RABGAP1L: variants seen among roughly 807,000 people sequenced by gnomAD.
The protein encoded by RABGAP1L is rab GTPase-activating protein 1-like.
In RABGAP1L, 63 loss-of-function variants were observed where a neutral mutation model predicts 137.7. The ratio of observed to expected loss-of-function variants is 0.46; its 90% CI spans 0.37 to 0.56. The LOEUF (loss-of-function observed/expected upper bound fraction) is 0.56. RABGAP1L is among the 20% of genes least tolerant of loss of function. The pLI, the probability that RABGAP1L is intolerant of heterozygous loss-of-function variation, is 0.00. For missense variants in RABGAP1L, 1,095 were observed against 1,244.0 expected, an observed-to-expected ratio of 0.88 and a Z score of 1.80; for synonymous variants, 431 against 433.7, an observed-to-expected ratio of 0.99 and a Z score of 0.08.
chr1:174,973,972 GTTTTTTGTTTTTT>G (rs1574052263), intron 21 of RABGAP1L, among the ~76,000 whole-genome samples: 18 of 94,220 alleles, frequency 1.9e-4, no homozygotes, highest in East Asian at 3.1e-4. Flanking sequence ...CAGTACAATT[GTTTTTTGTTTTTT>G]TTTTTTTTTT....
chr1:174,873,459 A>T (rs1652523916), intron 19 of RABGAP1L, among the ~76,000 whole-genome samples: 1 of 151,702 alleles, frequency 6.6e-6, no homozygotes, highest in Non-Finnish European at 1.5e-5. Flanking sequence ...AACAAGTAGA[A>T]TATGAGATAT....
At chr1:174,958,215 T>G in intron 20 of RABGAP1L, 1 of 1,309,138 alleles carries the variant, frequency 7.6e-7, no homozygotes, top group South Asian at 1.3e-5. Context: ...AACATTTATT[T>G]CCACAAATGA....
intron 18 of RABGAP1L, among the ~76,000 whole-genome samples, chr1:174,805,958 T>C (rs1211670078): frequency 6.6e-6 from 1 of 152,234 alleles, no homozygotes; most frequent in Non-Finnish European, 1.5e-5. Flanking sequence ...ATTTTCATTA[T>C]TTTACTCTTC....
chr1:174,508,683 G>T (rs1250937786), intron 13 of RABGAP1L, among the ~76,000 whole-genome samples: 2 of 152,108 alleles, frequency 1.3e-5, no homozygotes, highest in African/African-American at 4.8e-5. Context: ...TCATAGTAAT[G>T]TATCCGTGAG....
intron 11 of RABGAP1L, among the ~76,000 whole-genome samples, chr1:174,318,856 T>C (rs1679673025): frequency 6.6e-6 from 1 of 152,028 alleles, no homozygotes; most frequent in African/African-American, 2.4e-5. Context: ...AAAAAAACTT[T>C]ACACTTCATC....
intron 14 of RABGAP1L, among the ~76,000 whole-genome samples, chr1:174,671,685 G>A (rs1455136390): frequency 6.6e-6 from 1 of 152,108 alleles, no homozygotes; most frequent in Non-Finnish European, 1.5e-5. Context: ...TCTTTTCGAT[G>A]TGGTGTTCTA....
intron 19 of RABGAP1L, among the ~76,000 whole-genome samples, chr1:174,823,197 A>T (rs915944064): frequency 6.6e-6 from 1 of 152,200 alleles, no homozygotes; most frequent in Non-Finnish European, 1.5e-5. Context: ...GCAGTCTTAT[A>T]ATGGATCAAA....
chr1:174,767,103 A>G (rs1200199402), intron 18 of RABGAP1L, among the ~76,000 whole-genome samples: 1 of 152,186 alleles, frequency 6.6e-6, no homozygotes, highest in East Asian at 1.9e-4. Flanking sequence ...GACCAAACCA[A>G]TGTACATCTT....
chr1:174,782,665 C>T (rs568882362), intron 18 of RABGAP1L, among the ~76,000 whole-genome samples: 19 of 152,168 alleles, frequency 1.2e-4, no homozygotes, highest in Admixed American at 1.2e-3. Flanking sequence ...TTGTGGGTAC[C>T]GTGGATTGAG....
intron 11 of RABGAP1L, among the ~76,000 whole-genome samples, chr1:174,368,488 T>C (rs930708470): frequency 3.3e-5 from 5 of 152,240 alleles, no homozygotes; most frequent in African/African-American, 1.2e-4. Flanking sequence ...TTATACTCTC[T>C]GTCAATGTAA....
intron 1 of RABGAP1L, among the ~76,000 whole-genome samples, chr1:174,168,187 C>T (rs1336633475): frequency 6.8e-6 from 1 of 147,056 alleles, no homozygotes; most frequent in Non-Finnish European, 1.5e-5. Context: ...ATCCCTTGAA[C>T]CTGGGAGATG....
chr1:174,851,184 A>G lies in RABGAP1L; in HGVS notation c.2340+39224A>G, dbSNP rs917668281. On this transcript the variant is annotated intron_variant, in intron 19 of 25. Transcript: ENST00000681986. ...TGGATATTGTTTTCAGCTGCTAAAT[A>G]TGTTATATAGGAGTAGAAACTAATA... Among the ~76,000 whole-genome samples the G allele has an allele frequency of 4.6e-5, 7 of 152,232 alleles. 1 individual carries two copies. The highest frequency in any genetic ancestry group is 3.9e-4 in the Admixed American group (6 of 15,280).
intron 1 of RABGAP1L, among the ~76,000 whole-genome samples, chr1:174,176,741 A>AAAAAAAAAAAAAAAATAAAAT (rs755688394): frequency 3.6e-5 from 4 of 111,808 alleles, no homozygotes; most frequent in Non-Finnish European, 3.6e-5. Context: ...AAAAAAAAAA[A>AAAAAAAAAAAAAAAATAAAAT]AAAAAGGTCA....
intron 11 of RABGAP1L, among the ~76,000 whole-genome samples, chr1:174,332,684 C>T (rs1390889776): frequency 1.3e-5 from 2 of 152,108 alleles, no homozygotes. Context: ...GCATGAGCCA[C>T]CGCGCCCGGC....
At chr1:174,765,049 T>C (rs1685559044) in intron 18 of RABGAP1L, among the ~76,000 whole-genome samples, 1 of 152,208 alleles carries the variant, frequency 6.6e-6, no homozygotes, top group South Asian at 2.1e-4. Flanking sequence ...TCTGTCCGTG[T>C]CAATCTCATC....
chr1:174,957,795 T>C, intron 20 of RABGAP1L: 2 of 1,167,022 alleles, frequency 1.7e-6, no homozygotes, highest in Non-Finnish European at 2.5e-6. Flanking sequence ...TCTTCCTTGA[T>C]TGATTTAGAT....
intron 14 of RABGAP1L, among the ~76,000 whole-genome samples, chr1:174,639,007 G>A (rs1236331254): frequency 1.3e-5 from 2 of 148,642 alleles, no homozygotes; most frequent in Non-Finnish European, 3.0e-5. Flanking sequence ...TGCACAATGT[G>A]CACATGTACC....
At chr1:174,544,564 G>A (rs546552471) in intron 13 of RABGAP1L, among the ~76,000 whole-genome samples, 2 of 152,160 alleles carry the variant, frequency 1.3e-5, no homozygotes, top group Admixed American at 1.3e-4. Context: ...GCTCGGATAA[G>A]TTCGTTATTA....
At chr1:174,642,327 A>T (rs1042912127) in intron 14 of RABGAP1L, among the ~76,000 whole-genome samples, 17 of 151,930 alleles carry the variant, frequency 1.1e-4, no homozygotes, top group African/African-American at 3.9e-4. Context: ...TATCAAAAAG[A>T]TTGGATTTAT....
Sources: gnomAD v4.1 joint callset for allele counts (sites outside exome capture counted in the v4.1 genomes callset) on GRCh38, gnomAD v4.1.1 for gene constraint, MANE v1.5 for transcripts, NCBI Gene and HGNC (gene_info 2026-07-23, HGNC 2026-07-21) for gene names.